The following FBXO25 variants were observed in gnomAD, a reference collection of about 807,000 sequenced individuals.
FBXO25 encodes F-box protein 25.
In FBXO25, 45 loss-of-function variants were observed where a neutral mutation model predicts 51.9. That is an observed-to-expected ratio of 0.87 (90% CI 0.68 to 1.11). FBXO25 has a LOEUF of 1.11. FBXO25 is among the 50% of genes most tolerant of loss of function. FBXO25 has a pLI of 0.00. For synonymous variants in FBXO25, 199 were observed against 151.0 expected (o/e 1.32, Z -2.33); for missense variants, 507 against 428.5 (o/e 1.18, Z -1.62).
At chr8:420,253 A>T (rs1030592631) in intron 2 of FBXO25, 4 of 152,248 alleles carry the variant, frequency 2.6e-5, no homozygotes, top group African/African-American at 9.6e-5. Flanking sequence ...CTACGTCAGT[A>T]GCTAAGATGA....
chr8:441,689 A>G (rs1798435137), intron 5 of FBXO25, among the ~76,000 whole-genome samples: 1 of 152,212 alleles, frequency 6.6e-6, no homozygotes. Context: ...CAACCCCATC[A>G]AAAAGTGGGT....
At chr8:421,252 G>T (rs1402674838) in intron 2 of FBXO25, among the ~76,000 whole-genome samples, 1 of 152,238 alleles carries the variant, frequency 6.6e-6, no homozygotes, top group Non-Finnish European at 1.5e-5. Flanking sequence ...AGGTGGCACA[G>T]TTTCATCCTG....
intron 8 of FBXO25, among the ~76,000 whole-genome samples, chr8:461,722 C>A (rs1485887922): frequency 6.6e-6 from 1 of 152,142 alleles, no homozygotes; most frequent in East Asian, 1.9e-4. Context: ...TCTGTGTTTC[C>A]CTGTTCTGGA....
chr8:458,263 T>C lies in FBXO25; in HGVS notation c.661-106T>C, dbSNP rs1799583614. On this transcript the variant is annotated intron_variant, in intron 7 of 9. Coordinates refer to ENST00000350302, the MANE Select transcript of FBXO25 (RefSeq NM_183420.2). ...GACGCATGACATGGAGAGCTCTTTT[T>C]GTGTTACCATGTTTTGAAGCATTCA... is the stretch of plus-strand genomic sequence containing the variant. The C allele has an allele frequency of 4.6e-6, 6 of 1,292,928 alleles. No individual in the cohort carries two copies. In the East Asian group the frequency reaches 9.3e-5, roughly 20 times the overall value. The allele number at this position is 1,292,928 out of a possible 1,614,324, so 80.1% of individuals were successfully genotyped here. A position where few individuals can be genotyped will look rare whatever the true frequency, so the allele number is the denominator to read the frequency against.
chr8:460,716 G>C (rs1461078564), intron 8 of FBXO25, among the ~76,000 whole-genome samples: 3 of 152,348 alleles, frequency 2.0e-5, no homozygotes, highest in East Asian at 3.9e-4. Flanking sequence ...TGAGAAGTAG[G>C]AATGAGACAA....
intron 2 of FBXO25, among the ~76,000 whole-genome samples, chr8:427,914 T>G (rs902992349): frequency 6.6e-6 from 1 of 151,966 alleles, no homozygotes; most frequent in African/African-American, 2.4e-5. Context: ...ACAGCACATT[T>G]CTGTAAAGCC....
chr8:442,579 C>T (rs1365886444), intron 5 of FBXO25, among the ~76,000 whole-genome samples: 3 of 151,986 alleles, frequency 2.0e-5, no homozygotes, highest in African/African-American at 7.2e-5. Context: ...AAGCGATTCT[C>T]CTGCCTCAGC....
intron 5 of FBXO25, among the ~76,000 whole-genome samples, chr8:446,755 T>C (rs1305012106): frequency 6.6e-6 from 1 of 152,226 alleles, no homozygotes; most frequent in East Asian, 1.9e-4. Context: ...CTGGTGTGTT[T>C]TAGTGTAAGA....
At chr8:452,203 A>G (rs1799140669) in intron 7 of FBXO25, among the ~76,000 whole-genome samples, 1 of 152,184 alleles carries the variant, frequency 6.6e-6, no homozygotes, top group African/African-American at 2.4e-5. Flanking sequence ...TTGGCTGTTT[A>G]TTTGCCATCT....
chr8:468,894 C>A lies in FBXO25; in HGVS notation c.*90C>A, dbSNP rs906956779. 3 of 1,201,000 alleles carry A rather than the reference C, an allele frequency of 2.5e-6. No individual in the cohort carries two copies. The highest frequency in any genetic ancestry group is 3.1e-5 in the African/African-American group (2 of 64,834). 74.4% of individuals were successfully genotyped at this position (1,201,000 alleles called of 1,614,324 possible). ...GTGTTCTGTGAGGTGGGTGGAGACT[C>A]CTCGGAAGCCCCTGCTTCCAGAAAG... is the stretch of plus-strand genomic sequence containing the variant. On this transcript the variant is annotated 3_prime_UTR_variant, in exon 10 of 10. Transcript: ENST00000350302.
In FBXO25 at chr8:473,730, G is replaced by A. The variant is rs572941751; in HGVS notation, c.*4926G>A. ...ACTGAGGATGCGGTTTCTTTGAAAT[G>A]CTCTTGTTCTTCCTAAGTAAGGGAG... On this transcript the variant is annotated 3_prime_UTR_variant, in exon 10 of 10. Transcript: ENST00000350302. 8.3e-6 allele frequency: 1 copy of A among 120,120 alleles called. No homozygotes were observed. The highest frequency in any genetic ancestry group is 1.8e-5 in the Non-Finnish European group (1 of 56,728). 7.4% of individuals were successfully genotyped at this position (120,120 alleles called of 1,614,324 possible). A position where few individuals can be genotyped will look rare whatever the true frequency, so the allele number is the denominator to read the frequency against.
rs754758267 is a variant in FBXO25 at position 468,806 on chromosome 8, G to C, written c.*2G>C. The C allele has an allele frequency of 1.2e-6, 2 of 1,613,550 alleles. No homozygotes were observed. The highest frequency in any genetic ancestry group is 2.2e-5 in the South Asian group (2 of 91,004). On this transcript the variant is annotated 3_prime_UTR_variant, in exon 10 of 10. Transcript: ENST00000350302. ...TTCATCGACCTCTTCAAGTTTTAAG[G>C]GCTGCCCCTGCCATCCCTATTGGAG... is the stretch of plus-strand genomic sequence containing the variant.
Position 458,379 on chromosome 8 carries a change from AT to A in FBXO25, c.672del (p.Asn224LysfsTer13). The stretch of plus-strand genomic sequence containing the variant: ...GTGTTTTCCTTTCAGCAAGTGAACA[AT>A]GGCCTCACCCTCAGTGACCTTCCTC... ...QDLQMTKQVN[N>X]GLTLSDLPLH... On this transcript the variant is annotated frameshift_variant, in exon 8 of 10. Transcript: ENST00000350302. LOFTEE classifies it high-confidence loss of function. 1 of 1,613,186 alleles carries A rather than the reference AT, an allele frequency of 6.2e-7. No individual in the cohort carries two copies. Among genetic ancestry groups the A allele is most frequent in the Non-Finnish European group, 8.5e-7 (1 of 1,179,656 alleles).
At chr8:407,826 A>G (rs568210405) in intron 1 of FBXO25, among the ~76,000 whole-genome samples, 66 of 152,086 alleles carry the variant, frequency 4.3e-4, no homozygotes, top group Admixed American at 2.0e-3. Flanking sequence ...CTTGCAGCAG[A>G]CACTAATTTT....
chr8:466,583 G>A (rs1214149198), intron 9 of FBXO25, among the ~76,000 whole-genome samples: 2 of 152,156 alleles, frequency 1.3e-5, no homozygotes, highest in East Asian at 1.9e-4. Context: ...TCTGGCCCTG[G>A]GACTTGGTCA....
Position 468,096 on chromosome 8 carries a change from C to T in FBXO25, c.988-619C>T, listed in dbSNP as rs1800303634. 6 of 1,084,060 alleles carry T rather than the reference C, an allele frequency of 5.5e-6. 1 individual carries two copies. In the East Asian group the frequency reaches 2.0e-4, roughly 36 times the overall value. The allele number at this position is 1,084,060 out of a possible 1,614,324, so 67.2% of individuals were successfully genotyped here. A position where few individuals can be genotyped will look rare whatever the true frequency, so the allele number is the denominator to read the frequency against. On this transcript the variant is annotated intron_variant, in intron 9 of 9. Coordinates refer to ENST00000350302, the MANE Select transcript of FBXO25 (RefSeq NM_183420.2). ...CCTCTGGTCCCGTTTACCTGCGTTC[C>T]TCCTAAGAGTCTGCCAGTCTTCATC...
At chr8:454,816 A>T (rs1408326890) in intron 7 of FBXO25, among the ~76,000 whole-genome samples, 3 of 150,872 alleles carry the variant, frequency 2.0e-5, no homozygotes, top group African/African-American at 7.4e-5. Context: ...GCTTGAACCC[A>T]GGAAGCAGAG....
intron 4 of FBXO25, 50 bp downstream of exon 4, chr8:432,985 A>G (rs746897033): frequency 2.7e-6 from 4 of 1,490,542 alleles, no homozygotes; most frequent in Non-Finnish European, 3.6e-6. Flanking sequence ...TTTCTGTTGA[A>G]TATGGAGTCA....
intron 9 of FBXO25, among the ~76,000 whole-genome samples, chr8:465,389 C>G (rs952781126): frequency 5.9e-5 from 9 of 152,254 alleles, no homozygotes; most frequent in African/African-American, 2.2e-4. Context: ...TACTATAGAA[C>G]TATTACAAGC....
Sources: gnomAD v4.1 joint callset for allele counts (sites outside exome capture counted in the v4.1 genomes callset) on GRCh38, gnomAD v4.1.1 for gene constraint, MANE v1.5 for transcripts, NCBI Gene and HGNC (gene_info 2026-07-23, HGNC 2026-07-21) for gene names.